Variants in IL1R2 observed in about 807,000 individuals in gnomAD.
IL1R2 encodes the protein interleukin-1 receptor type 2.
In IL1R2, 46 loss-of-function variants were observed where a neutral mutation model predicts 39.5. The observed-to-expected ratio is 1.16, with a 90% CI of 0.92 to 1.49. The LOEUF (loss-of-function observed/expected upper bound fraction) is 1.49, where lower values mean the gene tolerates loss of function less well. IL1R2 is among the 40% of genes most tolerant of loss of function. The pLI, the probability that IL1R2 is intolerant of heterozygous loss-of-function variation, is 0.00. For synonymous variants in IL1R2, 207 were observed against 189.6 expected (o/e 1.09, Z -0.75); for missense variants, 537 against 502.0 (o/e 1.07, Z -0.67).
At chr2:102,014,337 T>C (rs1166190046) in intron 3 of IL1R2, among the ~76,000 whole-genome samples, 1 of 152,206 alleles carries the variant, frequency 6.6e-6, no homozygotes, top group East Asian at 1.9e-4. Flanking sequence ...TGAAATAACG[T>C]GTGCAAAGTA....
At chr2:102,017,398 G>GAA (rs56358561) in intron 4 of IL1R2, among the ~76,000 whole-genome samples, 2 of 113,358 alleles carry the variant, frequency 1.8e-5, no homozygotes, top group Non-Finnish European at 3.6e-5. Flanking sequence ...CTCCATCTCA[G>GAA]AAAAAAAAAA....
In IL1R2 at chr2:102,019,671, T is replaced by A; in HGVS notation, c.547T>A (p.Phe183Ile). 1 of 1,612,484 alleles carries A rather than the reference T, an allele frequency of 6.2e-7. No homozygotes were observed. Among genetic ancestry groups the A allele is most frequent in the African/African-American group, 1.3e-5 (1 of 74,956 alleles). ...TCTTTTGGATAAAGACAATGAGAAA[T>A]TTCTAAGTGTGAGGGGGACCACTCA... ...SLLLDKDNEK[F>I]LSVRGTTHLL... Residue 183 changes from phenylalanine (F) to isoleucine (I), a missense_variant, in exon 5 of 9, where the codon TTT (phenylalanine) becomes ATT (isoleucine). Coordinates refer to ENST00000332549, the MANE Select transcript of IL1R2 (RefSeq NM_004633.4).
chr2:101,993,073 A>G (rs1237339651), intron 1 of IL1R2, among the ~76,000 whole-genome samples: 1 of 152,082 alleles, frequency 6.6e-6, no homozygotes, highest in African/African-American at 2.4e-5. Flanking sequence ...TTTCTACCGC[A>G]TGAGGCTGCA....
chr2:101,998,107 C>A (rs191254071), intron 1 of IL1R2, among the ~76,000 whole-genome samples: 1 of 152,122 alleles, frequency 6.6e-6, no homozygotes, highest in Non-Finnish European at 1.5e-5. Context: ...ACCTTCATTG[C>A]GTCTGTGTTG....
At chr2:102,017,823 A>C (rs1208379891) in intron 4 of IL1R2, among the ~76,000 whole-genome samples, 1 of 152,214 alleles carries the variant, frequency 6.6e-6, no homozygotes, top group African/African-American at 2.4e-5. Context: ...AGACTCCAAG[A>C]TCCAAAATAC....
chr2:102,006,935 G>T (rs1480900069), intron 1 of IL1R2, among the ~76,000 whole-genome samples: 1 of 152,194 alleles, frequency 6.6e-6, no homozygotes, highest in Non-Finnish European at 1.5e-5. Flanking sequence ...CCCCAAAGAG[G>T]ATCATCTCCC....
chr2:101,996,505 T>TTTTTTG (rs55723899), intron 1 of IL1R2, among the ~76,000 whole-genome samples: 26 of 137,310 alleles, frequency 1.9e-4, no homozygotes, highest in African/African-American at 2.9e-4. Context: ...TTTTTTTTTT[T>TTTTTTG]GGGGGGGAGA....
chr2:102,006,708 G>A (rs982971309), intron 1 of IL1R2, among the ~76,000 whole-genome samples: 4 of 152,236 alleles, frequency 2.6e-5, no homozygotes, highest in African/African-American at 4.8e-5. Context: ...AGGGCTGTGA[G>A]CAAGACCAGG....
At chr2:102,010,555 G>A (rs1299259399) in intron 3 of IL1R2, among the ~76,000 whole-genome samples, 2 of 148,342 alleles carry the variant, frequency 1.3e-5, no homozygotes, top group African/African-American at 5.0e-5. Flanking sequence ...CAGGCTGGGC[G>A]ACTGAGCGAG....
At chr2:102,010,114 A>C in intron 3 of IL1R2, 1 of 421,774 alleles carries the variant, frequency 2.4e-6, no homozygotes, top group Admixed American at 3.9e-5. Context: ...TTTCCTTGCG[A>C]TAAGATTTTC....
At chr2:101,999,922 G>A (rs1017911035) in intron 1 of IL1R2, among the ~76,000 whole-genome samples, 3 of 152,214 alleles carry the variant, frequency 2.0e-5, no homozygotes, top group African/African-American at 7.2e-5. Context: ...ACACTTATAT[G>A]TTCTATAATA....
chr2:102,004,896 G>A (rs1676167209), intron 1 of IL1R2, among the ~76,000 whole-genome samples: 1 of 152,204 alleles, frequency 6.6e-6, no homozygotes, highest in South Asian at 2.1e-4. Context: ...CCCTTGGCTG[G>A]AGATGGTGGT....
At chr2:102,015,158 A>G (rs574122014) in intron 3 of IL1R2, among the ~76,000 whole-genome samples, 2 of 152,268 alleles carry the variant, frequency 1.3e-5, no homozygotes, top group South Asian at 2.1e-4. Flanking sequence ...TTGGGAAACA[A>G]TCTCTGCATG....
At chr2:102,014,178 T>C (rs1229381282) in intron 3 of IL1R2, among the ~76,000 whole-genome samples, 1 of 152,252 alleles carries the variant, frequency 6.6e-6, no homozygotes. Flanking sequence ...TGAAGATAGA[T>C]TTATGGGTTT....
At chr2:102,006,241 C>T (rs1227770600) in intron 1 of IL1R2, among the ~76,000 whole-genome samples, 2 of 152,176 alleles carry the variant, frequency 1.3e-5, no homozygotes, top group African/African-American at 4.8e-5. Context: ...AAGGAGGACA[C>T]AGCAGCTTGG....
Position 102,015,954 on chromosome 2 carries a change from C to A in IL1R2, c.416C>A (p.Pro139Gln). The change falls in exon 4 of 9, where the codon CCG becomes CAG. Residue 139 changes from proline to glutamine, a missense_variant. Pro to Gln is a moderately conservative substitution (Grantham distance 76). Coordinates refer to ENST00000332549, the MANE Select transcript of IL1R2 (RefSeq NM_004633.4). ...GCTTTCCTGCCGTTCATCTCATACC[C>A]GCAAATTTTAACCTTGTCAACCTCT... ...TDAFLPFISYPQILTLSTSGV... is the reference protein window; with the variant it reads ...TDAFLPFISYQQILTLSTSGV... 6.2e-7 allele frequency: 1 copy of A among 1,613,802 alleles called. No individual in the cohort carries two copies. The highest frequency in any genetic ancestry group is 8.5e-7 in the Non-Finnish European group (1 of 1,179,776).
At chr2:102,025,324 G>A (rs952510823) in intron 7 of IL1R2, among the ~76,000 whole-genome samples, 2 of 152,172 alleles carry the variant, frequency 1.3e-5, no homozygotes, top group Non-Finnish European at 2.9e-5. Flanking sequence ...AAATGGTTGT[G>A]TTTTTTGAAA....
intron 3 of IL1R2, among the ~76,000 whole-genome samples, chr2:102,015,646 T>C (rs1031886668): frequency 6.6e-6 from 1 of 152,220 alleles, no homozygotes; most frequent in African/African-American, 2.4e-5. Context: ...TGTGATTTAT[T>C]GAATACTATA....
chr2:102,013,320 G>A (rs927314073), intron 3 of IL1R2, among the ~76,000 whole-genome samples: 1 of 151,926 alleles, frequency 6.6e-6, no homozygotes, highest in Non-Finnish European at 1.5e-5. Flanking sequence ...ACCAGCAGTT[G>A]CCATAATACT....
Sources: gnomAD v4.1 joint callset for allele counts (sites outside exome capture counted in the v4.1 genomes callset) on GRCh38, gnomAD v4.1.1 for gene constraint, MANE v1.5 for transcripts, NCBI Gene and HGNC (gene_info 2026-07-23, HGNC 2026-07-21) for gene names.